Variants in PER3 observed in about 807,000 individuals in gnomAD.
The protein encoded by PER3 is period circadian protein homolog 3.
Under a neutral mutation model 127.2 loss-of-function variants are expected in PER3, and 107 were observed. That is an observed-to-expected ratio of 0.84 (90% CI 0.72 to 0.99). The LOEUF is 0.99. Among genes scored for constraint, PER3 ranks in the 50% least tolerant of loss-of-function variants. The pLI, the probability that PER3 is intolerant of heterozygous loss-of-function variation, is 0.00. For missense variants in PER3, 1,560 were observed against 1,525.8 expected (o/e 1.02, Z -0.37); for synonymous variants, 618 against 585.8 (o/e 1.05, Z -0.79).
At chr1:7,791,613 G>C (rs923180609) in intron 5 of PER3, among the ~76,000 whole-genome samples, 16 of 152,338 alleles carry the variant, frequency 1.1e-4, no homozygotes, top group African/African-American at 3.8e-4. Flanking sequence ...TAGCAGGCTT[G>C]AATTTCTCCC....
chr1:7,821,210 G>A (rs530139614), intron 16 of PER3, among the ~76,000 whole-genome samples: 35 of 152,342 alleles, frequency 2.3e-4, no homozygotes, highest in African/African-American at 8.4e-4. Context: ...AATTTGGGTA[G>A]ATGAAGGAAT....
intron 4 of PER3, chr1:7,787,291 CTTTAGTATATCTTTTTTAAT>C: frequency 3.8e-6 from 1 of 262,462 alleles, no homozygotes; most frequent in Non-Finnish European, 5.0e-6. Context: ...TGGAAGAGAC[CTTTAGTATATCTTTTTTAAT>C]CTCTCTTCTT....
Position 7,785,498 on chromosome 1 carries a change from G to GA in PER3, c.192dup (p.Tyr65IlefsTer9), listed in dbSNP as rs2097083172. 2 of 1,611,668 alleles carry GA rather than the reference G, an allele frequency of 1.2e-6. No individual in the cohort carries two copies. The highest frequency in any genetic ancestry group is 1.7e-6 in the Non-Finnish European group (2 of 1,177,842). ...AACTTATCATGGTTGTCCAAGAAAT[G>GA]AAAAAATACTTCCCCTCGGAGAGAC... On this transcript the variant is annotated frameshift_variant, in exon 3 of 22. Transcript: ENST00000377532. LOFTEE classifies it high-confidence loss of function.
intron 7 of PER3, among the ~76,000 whole-genome samples, chr1:7,799,165 G>A (rs1198226724): frequency 6.6e-6 from 1 of 152,150 alleles, no homozygotes; most frequent in Non-Finnish European, 1.5e-5. Context: ...CAGTTCAGAT[G>A]TAAAATGACA....
At chr1:7,817,285 A>G (rs1254188266) in intron 13 of PER3, among the ~76,000 whole-genome samples, 2 of 152,188 alleles carry the variant, frequency 1.3e-5, no homozygotes, top group Non-Finnish European at 2.9e-5. Context: ...TGTGCACTCC[A>G]TCTCACCCCA....
intron 10 of PER3, among the ~76,000 whole-genome samples, chr1:7,807,482 T>G (rs1346836263): frequency 6.6e-6 from 1 of 152,204 alleles, no homozygotes; most frequent in African/African-American, 2.4e-5. Context: ...TTTAGGTAAC[T>G]GAGCTGCATG....
At chr1:7,822,258 A>ATT (rs35229328) in intron 16 of PER3, among the ~76,000 whole-genome samples, 1 of 144,770 alleles carries the variant, frequency 6.9e-6, no homozygotes, top group Non-Finnish European at 1.5e-5. Flanking sequence ...TTAAAAAAAA[A>ATT]TTTTTTTTTT....
At chr1:7,823,045 C>G (rs1179222962) in intron 16 of PER3, among the ~76,000 whole-genome samples, 1 of 152,142 alleles carries the variant, frequency 6.6e-6, no homozygotes, top group Non-Finnish European at 1.5e-5. Context: ...TGTACTCCAG[C>G]TGAGGGACAG....
chr1:7,840,042 C>T lies in PER3; in HGVS notation c.3550-2630C>T, dbSNP rs995611134. ...TCCACTCGATGGTTTCCCACATGTC[C>T]TCCAGGCCCTGTTGACTTTTCTTCA... On this transcript the variant is annotated intron_variant, in intron 21 of 21. Transcript: ENST00000377532. Among the ~76,000 whole-genome samples, 7 of 152,254 alleles carry T rather than the reference C, an allele frequency of 4.6e-5. No homozygotes were observed. The South Asian group carries it at 1.5e-3, about 32-fold the overall frequency.
intron 5 of PER3, among the ~76,000 whole-genome samples, chr1:7,792,629 C>T (rs2097127160): frequency 6.6e-6 from 1 of 152,146 alleles, no homozygotes; most frequent in African/African-American, 2.4e-5. Context: ...CTGCGTTACC[C>T]CCTTCGATTC....
At position 7,842,794 on chromosome 1, in the gene PER3, G is replaced by C; in HGVS notation, c.*39G>C. The stretch of plus-strand genomic sequence containing the variant: ...TGAACCTTCATACCCTTTCCAAGAC[G>C]TGTTACACAGACAGACCTTTTTAAG... On this transcript the variant is annotated 3_prime_UTR_variant, in exon 22 of 22. Coordinates refer to ENST00000377532, the MANE Select transcript of PER3 (RefSeq NM_001377275.1). The C allele has an allele frequency of 6.3e-7, 1 of 1,580,992 alleles. No homozygotes were observed. The highest frequency in any genetic ancestry group is 1.3e-5 in the African/African-American group (1 of 74,462).
chr1:7,833,687 A>G (rs955855295), intron 19 of PER3, among the ~76,000 whole-genome samples: 1 of 152,240 alleles, frequency 6.6e-6, no homozygotes, highest in East Asian at 1.9e-4. Flanking sequence ...TATTCATGTG[A>G]CAGTCTCAGC....
At chr1:7,785,400 G>A (rs1367782352) in intron 2 of PER3, 41 bp from the exon 3 acceptor site, 1 of 1,548,518 alleles carries the variant, frequency 6.5e-7, no homozygotes, top group South Asian at 1.1e-5. Context: ...AGATGCTGTT[G>A]TCTTCAGAGG....
chr1:7,825,586 C>T (rs947533872), intron 16 of PER3, among the ~76,000 whole-genome samples: 2 of 152,098 alleles, frequency 1.3e-5, no homozygotes, highest in South Asian at 4.1e-4. Flanking sequence ...TATTCATCCT[C>T]GTTCATATGT....
intron 18 of PER3, among the ~76,000 whole-genome samples, chr1:7,829,166 C>T (rs116100903): frequency 6.2e-4 from 95 of 152,190 alleles, no homozygotes; most frequent in African/African-American, 2.2e-3. Context: ...TGGTGGATGC[C>T]GGAAACCGTG....
intron 21 of PER3, among the ~76,000 whole-genome samples, chr1:7,839,089 A>G (rs1192934312): frequency 6.6e-6 from 1 of 151,926 alleles, no homozygotes; most frequent in African/African-American, 2.4e-5. Flanking sequence ...TGCCCTGCTC[A>G]TTTCCTGTTG....
chr1:7,827,541 C>T lies in PER3; in HGVS notation c.2612C>T (p.Pro871Leu). 6.2e-7 allele frequency: 1 copy of T among 1,614,200 alleles called. No homozygotes were observed. Among genetic ancestry groups the T allele is most frequent in the Admixed American group, 1.7e-5 (1 of 60,024 alleles). ...CCCCCTGTCTGTCCTCTGTTGTCGC[C>T]ATCGTTTTTGCCATGTCCATTCCTG... Reference protein sequence around the residue: ...PDPPVCPLLSPSFLPCPFLGA... With the variant: ...PDPPVCPLLSLSFLPCPFLGA... Residue 871 changes from proline (P) to leucine (L), a missense_variant, in exon 18 of 22, where the codon CCA becomes CTA. Physicochemically the swap from Pro to Leu is moderately conservative, Grantham distance 98. Coordinates refer to ENST00000377532, the MANE Select transcript of PER3 (RefSeq NM_001377275.1).
chr1:7,785,572 T>C lies in PER3; in HGVS notation c.260T>C (p.Val87Ala). The change falls in exon 3 of 22, where the codon GTC becomes GCC. Residue 87 changes from valine (V) to alanine (A), a missense_variant. Physicochemically the swap from Val to Ala is moderately conservative, Grantham distance 64 (BLOSUM62 0). Coordinates refer to ENST00000377532, the MANE Select transcript of PER3 (RefSeq NM_001377275.1). ...LDALNYALRC[V>A]HSVQANSEFF... is the part of the protein sequence containing the mutation. ...GCCCTCAACTATGCTCTCCGCTGTG[T>C]CCACAGCGTTCAAGGTAAACAAGCC... 6.2e-7 allele frequency: 1 copy of C among 1,612,534 alleles called. No individual in the cohort carries two copies. The highest frequency in any genetic ancestry group is 8.5e-7 in the Non-Finnish European group (1 of 1,179,198).
At position 7,803,746 on chromosome 1, in the gene PER3, C is replaced by T; in HGVS notation, c.1034C>T (p.Thr345Ile). The change falls in exon 10 of 22, where the codon ACT becomes ATT. Residue 345 changes from threonine (T) to isoleucine (I), a missense_variant. Thr to Ile is a moderately conservative substitution (Grantham distance 89, BLOSUM62 -1). Around this residue, in one of 3 missense-constraint regions of PER3, gnomAD observed 1,332 missense variants for 1,223.6 expected, o/e 1.09. Transcript: ENST00000377532. ...PFEHSPIRFCTQNGDYIILDS... is the reference protein window; with the variant it reads ...PFEHSPIRFCIQNGDYIILDS... ...GAACATTCTCCCATTCGATTTTGTA[C>T]TCAAAACGGAGACTACATCATACTG... 6.2e-7 allele frequency: 1 copy of T among 1,609,438 alleles called. No individual in the cohort carries two copies. The highest frequency in any genetic ancestry group is 1.1e-5 in the South Asian group (1 of 90,972).
Sources: allele counts gnomAD v4.1 joint callset (sites outside exome capture counted in the v4.1 genomes callset), GRCh38; gene constraint gnomAD v4.1.1; regional missense constraint gnomAD v4.1.1; transcripts MANE v1.5; gene names NCBI Gene and HGNC (gene_info 2026-07-23, HGNC 2026-07-21).